ZCCHC7: variants seen among roughly 807,000 people sequenced by gnomAD.
The protein encoded by ZCCHC7 is zinc finger CCHC-type containing 7, also known as zinc finger CCHC domain-containing protein 7.
ZCCHC7 carries 35 observed loss-of-function variants against 52.0 expected under a neutral mutation model. The observed-to-expected ratio is 0.67, with a 90% CI of 0.51 to 0.89. ZCCHC7 has a LOEUF of 0.89. Ranked by LOEUF, ZCCHC7 falls within the 40% of genes least tolerant of loss-of-function variation. ZCCHC7 has a pLI of 0.00. For synonymous variants in ZCCHC7, 217 were observed against 221.5 expected (o/e 0.98, Z 0.18); for missense variants, 574 against 649.1 (o/e 0.88, Z 1.26).
chr9:37,175,448 A>G (rs544995914), intron 2 of ZCCHC7, among the ~76,000 whole-genome samples: 2 of 152,160 alleles, frequency 1.3e-5, no homozygotes, highest in Non-Finnish European at 2.9e-5. Context: ...TCATGCCTGT[A>G]ATCCCAGCAC....
At chr9:37,356,244 T>A (rs1416493875) in intron 8 of ZCCHC7, among the ~76,000 whole-genome samples, 1 of 152,068 alleles carries the variant, frequency 6.6e-6, no homozygotes, top group Admixed American at 6.5e-5. Flanking sequence ...CAGAGATCCG[T>A]ATTAAGCGTG....
intron 2 of ZCCHC7, among the ~76,000 whole-genome samples, chr9:37,148,183 T>G (rs1160799144): frequency 6.6e-6 from 1 of 152,104 alleles, no homozygotes; most frequent in African/African-American, 2.4e-5. Context: ...GCCAAAAATA[T>G]ATATTTGATA....
intron 2 of ZCCHC7, among the ~76,000 whole-genome samples, chr9:37,185,231 T>G (rs893067132): frequency 6.6e-6 from 1 of 152,204 alleles, no homozygotes. Flanking sequence ...CTTGCTATGT[T>G]AGGTACACAT....
chr9:37,286,272 A>G, intron 2 of ZCCHC7, among the ~76,000 whole-genome samples: 1 of 152,212 alleles, frequency 6.6e-6, no homozygotes, highest in East Asian at 1.9e-4. Flanking sequence ...TAAATCAATT[A>G]TTATTCATAT....
At chr9:37,186,695 T>TC in intron 2 of ZCCHC7, 1 of 540,494 alleles carries the variant, frequency 1.9e-6, no homozygotes, top group Non-Finnish European at 3.5e-6. Context: ...GATTCAAATA[T>TC]TTTTTTTTCC....
intron 2 of ZCCHC7, among the ~76,000 whole-genome samples, chr9:37,281,596 G>A (rs868819798): frequency 7.2e-6 from 1 of 137,970 alleles, no homozygotes; most frequent in African/African-American, 3.5e-5. Flanking sequence ...TTTATCACAT[G>A]TGATTGTACT....
chr9:37,207,082 T>TA (rs1183658507), intron 2 of ZCCHC7, among the ~76,000 whole-genome samples: 1 of 152,154 alleles, frequency 6.6e-6, no homozygotes, highest in Non-Finnish European at 1.5e-5. Flanking sequence ...GCTATGATCT[T>TA]ACCACTGTAC....
chr9:37,192,991 A>C (rs10973246), intron 2 of ZCCHC7, among the ~76,000 whole-genome samples: 20,758 of 152,138 alleles, frequency 0.14, 1,726 homozygotes, highest in Non-Finnish European at 0.17. Flanking sequence ...TAGTCATGGG[A>C]AGCACTACTT....
At chr9:37,292,912 T>C (rs1828604911) in intron 2 of ZCCHC7, among the ~76,000 whole-genome samples, 1 of 152,160 alleles carries the variant, frequency 6.6e-6, no homozygotes, top group South Asian at 2.1e-4. Context: ...ACAACTGTAA[T>C]GACTGGAAGG....
chr9:37,245,745 C>G (rs1826055984), intron 2 of ZCCHC7, among the ~76,000 whole-genome samples: 1 of 151,964 alleles, frequency 6.6e-6, no homozygotes, highest in Non-Finnish European at 1.5e-5. Context: ...TTTCCCAAAA[C>G]TGAATTAGGA....
At chr9:37,278,767 G>C (rs1827810406) in intron 2 of ZCCHC7, among the ~76,000 whole-genome samples, 2 of 152,300 alleles carry the variant, frequency 1.3e-5, no homozygotes, top group South Asian at 4.1e-4. Context: ...AAATGCAGTA[G>C]AACACCATCT....
intron 2 of ZCCHC7, among the ~76,000 whole-genome samples, chr9:37,139,126 G>T (rs1192421160): frequency 1.3e-5 from 2 of 151,836 alleles, no homozygotes; most frequent in Non-Finnish European, 2.9e-5. Context: ...TGCTTCCTTG[G>T]TGGTTAAGAC....
chr9:37,326,286 G>GT (rs1830235983), intron 5 of ZCCHC7: 1 of 151,954 alleles, frequency 6.6e-6, no homozygotes, highest in Admixed American at 6.6e-5. Context: ...GCTACATTTG[G>GT]TAACTAACAT....
At chr9:37,338,421 C>A (rs1830779905) in intron 6 of ZCCHC7, among the ~76,000 whole-genome samples, 1 of 152,090 alleles carries the variant, frequency 6.6e-6, no homozygotes, top group African/African-American at 2.4e-5. Flanking sequence ...ATCCCTTATA[C>A]TCTTGACTAC....
At chr9:37,174,506 GT>G (rs1821911161) in intron 2 of ZCCHC7, among the ~76,000 whole-genome samples, 1 of 152,118 alleles carries the variant, frequency 6.6e-6, no homozygotes, top group African/African-American at 2.4e-5. Flanking sequence ...GTTATGTAGT[GT>G]TTTCATTAAG....
chr9:37,181,849 T>C (rs1221644532), intron 2 of ZCCHC7, among the ~76,000 whole-genome samples: 1 of 152,202 alleles, frequency 6.6e-6, no homozygotes, highest in East Asian at 1.9e-4. Flanking sequence ...TTTATTTTTA[T>C]AAATTTTTAA....
chr9:37,164,426 C>T (rs910208504), intron 2 of ZCCHC7, among the ~76,000 whole-genome samples: 1 of 150,092 alleles, frequency 6.7e-6, no homozygotes, highest in Admixed American at 6.7e-5. Flanking sequence ...GCCGGGGTGA[C>T]GGAGTGAGAC....
chr9:37,194,540 G>A (rs1823186677), intron 2 of ZCCHC7, among the ~76,000 whole-genome samples: 1 of 152,176 alleles, frequency 6.6e-6, no homozygotes, highest in South Asian at 2.1e-4. Context: ...TAGTGGCACT[G>A]GGAGGATTGG....
intron 2 of ZCCHC7, among the ~76,000 whole-genome samples, chr9:37,299,819 A>T (rs1397366564): frequency 6.6e-6 from 1 of 152,252 alleles, no homozygotes; most frequent in Admixed American, 6.5e-5. Context: ...TAGTAAGAAT[A>T]TGAATATGCT....
Sources: allele counts gnomAD v4.1 joint callset (sites outside exome capture counted in the v4.1 genomes callset), GRCh38; gene constraint gnomAD v4.1.1; transcripts MANE v1.5; gene names NCBI Gene and HGNC (gene_info 2026-07-23, HGNC 2026-07-21).